TPRG1: variants seen among roughly 807,000 people sequenced by gnomAD.
TPRG1 encodes the protein tumor protein p63-regulated gene 1 protein.
TPRG1 carries 29 observed loss-of-function variants against 29.3 expected under a neutral mutation model. The observed-to-expected ratio is 0.99, with a 90% CI of 0.74 to 1.35. TPRG1 has a LOEUF of 1.35. Ranked by LOEUF, TPRG1 falls within the 40% of genes most tolerant of loss-of-function variation. The pLI, the probability that TPRG1 is intolerant of heterozygous loss-of-function variation, is 0.00. For missense variants in TPRG1, 327 were observed against 335.0 expected (o/e 0.98, Z 0.19); for synonymous variants, 130 against 116.8 (o/e 1.11, Z -0.73).
intron 3 of TPRG1, among the ~76,000 whole-genome samples, chr3:189,022,693 C>T (rs1441943668): frequency 1.3e-5 from 2 of 152,176 alleles, no homozygotes; most frequent in African/African-American, 2.4e-5. Flanking sequence ...TTGTCTATGC[C>T]CTGCCCCCAG....
At chr3:189,308,562 G>C (rs1721973442) in intron 4 of TPRG1, among the ~76,000 whole-genome samples, 1 of 152,186 alleles carries the variant, frequency 6.6e-6, no homozygotes, top group South Asian at 2.1e-4. Context: ...AAGGTTGGCT[G>C]AACTTGCATA....
At chr3:189,160,724 C>T (rs1411146579) in intron 5 of TPRG1, among the ~76,000 whole-genome samples, 1 of 152,136 alleles carries the variant, frequency 6.6e-6, no homozygotes, top group Non-Finnish European at 1.5e-5. Context: ...CTGACCTTGC[C>T]CCACCCTGTT....
intron 3 of TPRG1, among the ~76,000 whole-genome samples, chr3:189,009,367 A>T (rs183582550): frequency 6.6e-6 from 1 of 152,264 alleles, no homozygotes; most frequent in East Asian, 1.9e-4. Flanking sequence ...TTGGCCTAGT[A>T]AATGTAAATA....
chr3:189,037,904 T>C lies in TPRG1; in HGVS notation c.-463+13958T>C, dbSNP rs111584900. On this transcript the variant is annotated intron_variant, in intron 4 of 10. Transcript: ENST00000433971. ...AGATTGTTTTGGAGAAACTACCATC[T>C]CTATCAAAAGGCATACAAGATCTGA... is the stretch of plus-strand genomic sequence containing the variant. Among the ~76,000 whole-genome samples, 1,351 of 150,904 alleles carry C rather than the reference T, an allele frequency of 9.0e-3. 28 individuals are homozygous for C. The highest frequency in any genetic ancestry group is 0.032 in the African/African-American group (1,307 of 41,160).
chr3:189,201,594 C>T (rs757773274), intron 1 of TPRG1, among the ~76,000 whole-genome samples: 1 of 152,080 alleles, frequency 6.6e-6, no homozygotes, highest in Non-Finnish European at 1.5e-5. Context: ...ATCTTTAATG[C>T]CAATACTGTT....
chr3:189,303,402 TAG>T (rs1721138414), intron 4 of TPRG1, among the ~76,000 whole-genome samples: 1 of 152,186 alleles, frequency 6.6e-6, no homozygotes, highest in South Asian at 2.1e-4. Flanking sequence ...TAGGTTTGTG[TAG>T]AGTTAGAGTG....
chr3:189,058,742 C>T (rs1312603267), intron 4 of TPRG1, among the ~76,000 whole-genome samples: 2 of 152,168 alleles, frequency 1.3e-5, no homozygotes, highest in African/African-American at 4.8e-5. Flanking sequence ...ATGTGACTAA[C>T]TTACAACAGC....
intron 1 of TPRG1, chr3:189,190,864 T>A (rs1731586526): frequency 1.6e-6 from 1 of 619,308 alleles, no homozygotes; most frequent in Non-Finnish European, 2.0e-6. Flanking sequence ...ACTCCCCTCT[T>A]AGCTGCTTTG....
chr3:189,057,829 CACACATATGTATGTGTGTATATATAT>C (rs1560419055), intron 4 of TPRG1, among the ~76,000 whole-genome samples: 1 of 120,552 alleles, frequency 8.3e-6, no homozygotes. Flanking sequence ...TATATATATA[CACACATATGTATGTGTGTATATATAT>C]ACACACATAC....
intron 4 of TPRG1, among the ~76,000 whole-genome samples, chr3:189,046,940 A>C (rs532853433): frequency 1.9e-4 from 29 of 152,320 alleles, no homozygotes; most frequent in African/African-American, 6.7e-4. Context: ...AAACGACAAC[A>C]ATGAGTTCTC....
chr3:189,191,731 A>G (rs1222515697), intron 1 of TPRG1, among the ~76,000 whole-genome samples: 2 of 152,174 alleles, frequency 1.3e-5, no homozygotes, highest in Admixed American at 1.3e-4. Flanking sequence ...AGCCACATCT[A>G]TTTTTAAGAC....
At chr3:189,001,139 T>C (rs571268125) in intron 2 of TPRG1, among the ~76,000 whole-genome samples, 37 of 152,300 alleles carry the variant, frequency 2.4e-4, no homozygotes, top group African/African-American at 8.4e-4. Flanking sequence ...TTTTGGAGAA[T>C]GTTAACAACA....
intron 4 of TPRG1, among the ~76,000 whole-genome samples, chr3:189,081,636 G>A (rs904728457): frequency 6.6e-6 from 1 of 152,198 alleles, no homozygotes; most frequent in African/African-American, 2.4e-5. Context: ...GGATCATTAA[G>A]TAGCAAAGAT....
intron 1 of TPRG1, among the ~76,000 whole-genome samples, chr3:189,177,391 T>C (rs548227991): frequency 6.6e-6 from 1 of 151,726 alleles, no homozygotes; most frequent in Admixed American, 6.6e-5. Context: ...GGGAATCATA[T>C]ATGTATGTAT....
At chr3:189,196,170 C>G (rs1481526303) in intron 1 of TPRG1, among the ~76,000 whole-genome samples, 1 of 152,188 alleles carries the variant, frequency 6.6e-6, no homozygotes, top group Non-Finnish European at 1.5e-5. Context: ...CACTTCCTTA[C>G]TCCCATCTGA....
chr3:189,054,994 A>G (rs963559409), intron 4 of TPRG1, among the ~76,000 whole-genome samples: 4 of 152,328 alleles, frequency 2.6e-5, no homozygotes, highest in South Asian at 2.1e-4. Flanking sequence ...GCAAAGTGCA[A>G]TAAAGTGGAG....
intron 4 of TPRG1, among the ~76,000 whole-genome samples, chr3:189,091,885 CAT>C (rs1660536495): frequency 6.6e-6 from 1 of 151,986 alleles, no homozygotes; most frequent in Non-Finnish European, 1.5e-5. Context: ...AATACATAGA[CAT>C]GTATTTTTTC....
At chr3:189,044,555 CAA>C (rs11431509) in intron 4 of TPRG1, among the ~76,000 whole-genome samples, 17 of 98,722 alleles carry the variant, frequency 1.7e-4, no homozygotes, top group African/African-American at 1.7e-4. Context: ...AACTCCGTCT[CAA>C]AAAAAAAAAA....
chr3:189,073,301 A>C (rs531200983), intron 4 of TPRG1, among the ~76,000 whole-genome samples: 2 of 152,196 alleles, frequency 1.3e-5, no homozygotes, highest in Non-Finnish European at 2.9e-5. Flanking sequence ...TCTGGCTTCC[A>C]GGGATATCTG....
Sources: allele counts gnomAD v4.1 joint callset (sites outside exome capture counted in the v4.1 genomes callset), GRCh38; gene constraint gnomAD v4.1.1; transcripts MANE v1.5; gene names NCBI Gene and HGNC (gene_info 2026-07-23, HGNC 2026-07-21).